PTPRN2: variants seen among roughly 807,000 people sequenced by gnomAD.
The protein encoded by PTPRN2 is protein tyrosine phosphatase receptor type N2.
Under a neutral mutation model 118.8 loss-of-function variants are expected in PTPRN2, and 74 were observed. The observed-to-expected ratio is 0.62, with a 90% CI of 0.52 to 0.76. The LOEUF (loss-of-function observed/expected upper bound fraction) is 0.76. Among genes scored for constraint, PTPRN2 ranks in the 30% least tolerant of loss-of-function variants. PTPRN2 has a pLI of 0.00. For missense variants in PTPRN2, 1,481 were observed against 1,394.4 expected, an observed-to-expected ratio of 1.06 and a Z score of -0.99; for synonymous variants, 641 against 608.0, an observed-to-expected ratio of 1.05 and a Z score of -0.80.
chr7:157,846,016 A>G (rs1808778694), intron 12 of PTPRN2, among the ~76,000 whole-genome samples: 1 of 152,122 alleles, frequency 6.6e-6, no homozygotes, highest in South Asian at 2.1e-4. Flanking sequence ...AGGGAGTGGT[A>G]AAATTTGATC....
In PTPRN2 at chr7:157,682,706, T is replaced by C; in HGVS notation, c.2001+19A>G. ...ACAGATAAATCCGATATACCACTTTTTAAAAAGTCTCCTCTTACCTGGTAG... is the reference window on the plus strand; with the variant it reads ...ACAGATAAATCCGATATACCACTTTCTAAAAAGTCTCCTCTTACCTGGTAG... On this transcript the variant is annotated intron_variant, in intron 13 of 22. Transcript: ENST00000389418. 6.2e-7 allele frequency: 1 copy of C among 1,602,456 alleles called. No individual in the cohort carries two copies. The highest frequency in any genetic ancestry group is 8.5e-7 in the Non-Finnish European group (1 of 1,170,958).
chr7:158,294,323 T>C (rs541946317), intron 3 of PTPRN2, among the ~76,000 whole-genome samples: 11 of 152,340 alleles, frequency 7.2e-5, no homozygotes, highest in African/African-American at 2.6e-4. Flanking sequence ...AAAGCTTGAT[T>C]CTCAAATACA....
chr7:158,313,124 GTC>G lies in PTPRN2; in HGVS notation c.277+3693_277+3694del, dbSNP rs548231019. Among the ~76,000 whole-genome samples the G allele has an allele frequency of 2.3e-3, 345 of 152,230 alleles. 9 individuals carry two copies. Among genetic ancestry groups the G allele is most frequent in the East Asian group, 5.6e-3 (29 of 5,144 alleles). ...AGTGTGCAAGTGTGTGTGCAAATGT[GTC>G]TGTGTCTACACGTGAGCATGTGAAT... On this transcript the variant is annotated intron_variant, in intron 3 of 22. Transcript: ENST00000389418.
chr7:158,243,316 C>T (rs1056076931), intron 3 of PTPRN2, among the ~76,000 whole-genome samples: 1 of 152,332 alleles, frequency 6.6e-6, no homozygotes, highest in African/African-American at 2.4e-5. Flanking sequence ...GCAAGAGGAG[C>T]AGACCATTTC....
chr7:158,341,453 C>T (rs1343457657), intron 2 of PTPRN2, among the ~76,000 whole-genome samples: 2 of 149,316 alleles, frequency 1.3e-5, no homozygotes, highest in African/African-American at 5.0e-5. Flanking sequence ...AGAGGTAACA[C>T]CTTCAGACGT....
At chr7:158,163,590 T>C (rs1822575489) in intron 6 of PTPRN2, among the ~76,000 whole-genome samples, 1 of 151,480 alleles carries the variant, frequency 6.6e-6, no homozygotes, top group Non-Finnish European at 1.5e-5. Context: ...ATTCTCTGTA[T>C]ATTTCATAGG....
intron 6 of PTPRN2, among the ~76,000 whole-genome samples, chr7:158,150,474 C>G (rs1217385986): frequency 6.6e-6 from 1 of 152,194 alleles, no homozygotes; most frequent in Non-Finnish European, 1.5e-5. Context: ...GGCGGATGTT[C>G]CTGTGTCCCC....
chr7:158,464,684 T>G (rs1819263618), intron 2 of PTPRN2, among the ~76,000 whole-genome samples: 2 of 150,276 alleles, frequency 1.3e-5, no homozygotes, highest in African/African-American at 4.9e-5. Context: ...GCCATGCCAT[T>G]TAGTAAATAA....
intron 11 of PTPRN2, among the ~76,000 whole-genome samples, chr7:158,033,595 G>C (rs903476444): frequency 5.3e-5 from 8 of 152,212 alleles, no homozygotes; most frequent in Admixed American, 2.0e-4. Context: ...GAGGGCTGGT[G>C]GGTGGGTTAA....
At chr7:157,876,758 G>A (rs1349540292) in intron 12 of PTPRN2, among the ~76,000 whole-genome samples, 13 of 152,188 alleles carry the variant, frequency 8.5e-5, no homozygotes, top group South Asian at 2.1e-4. Flanking sequence ...GCACCCCAGG[G>A]CGGAGAACTT....
chr7:158,432,602 A>C (rs1360436909), intron 2 of PTPRN2, among the ~76,000 whole-genome samples: 1 of 152,246 alleles, frequency 6.6e-6, no homozygotes, highest in African/African-American at 2.4e-5. Flanking sequence ...TTAAAGTATT[A>C]TGCAAACAAA....
rs78153142 is a variant in PTPRN2, at chr7:157,799,381, C to T, written c.1788+99292G>A. Among the ~76,000 whole-genome samples, 387 of 152,272 alleles carry T rather than the reference C, an allele frequency of 2.5e-3. 6 individuals carry two copies. In the East Asian group the frequency reaches 0.051, roughly 20 times the overall value. ...CATCTCTTGCCGTGAGACCTCCCCA[C>T]GCTGAACGTGTGTTCCTCTAGCCAC... On this transcript the variant is annotated intron_variant, in intron 12 of 22. Coordinates refer to ENST00000389418, the MANE Select transcript of PTPRN2 (RefSeq NM_002847.5).
rs963726775 is a variant in PTPRN2 at position 157,851,518 on chromosome 7, G to A, written c.1788+47155C>T. Among the ~76,000 whole-genome samples the A allele has an allele frequency of 4.7e-5, 7 of 149,568 alleles. No homozygotes were observed. The South Asian group carries it at 8.3e-4, about 18-fold the overall frequency. ...GGCACAGAACCTGCCTCAGTCCAGC[G>A]TCCCTATCCGCTGTAAGAAAGGGTG... is the stretch of plus-strand genomic sequence containing the variant. On this transcript the variant is annotated intron_variant, in intron 12 of 22. Coordinates refer to ENST00000389418, the MANE Select transcript of PTPRN2 (RefSeq NM_002847.5).
chr7:157,752,488 G>A (rs1015927138), intron 12 of PTPRN2, among the ~76,000 whole-genome samples: 2 of 152,200 alleles, frequency 1.3e-5, no homozygotes, highest in South Asian at 2.1e-4. Context: ...ACTGGTGCGC[G>A]GTGTGGCTGT....
At chr7:158,014,317 T>TC (rs1317202022) in intron 11 of PTPRN2, among the ~76,000 whole-genome samples, 1 of 148,856 alleles carries the variant, frequency 6.7e-6, no homozygotes, top group Non-Finnish European at 1.5e-5. Context: ...CATCCACCCA[T>TC]CCATCCCTCA....
At chr7:158,280,675 T>G (rs1197199829) in intron 3 of PTPRN2, among the ~76,000 whole-genome samples, 1 of 152,046 alleles carries the variant, frequency 6.6e-6, no homozygotes, top group Admixed American at 6.5e-5. Flanking sequence ...GACGCGGCCG[T>G]GGAGTTTCTC....
chr7:158,149,077 C>CAT (rs1820581851), intron 6 of PTPRN2, among the ~76,000 whole-genome samples: 1 of 142,952 alleles, frequency 7.0e-6, no homozygotes, highest in Non-Finnish European at 1.5e-5. Flanking sequence ...TGTCATTCCC[C>CAT]CTCACTGACA....
At chr7:158,107,263 C>T (rs963071188) in intron 10 of PTPRN2, among the ~76,000 whole-genome samples, 1 of 152,054 alleles carries the variant, frequency 6.6e-6, no homozygotes, top group Non-Finnish European at 1.5e-5. Context: ...TGGACAGCAC[C>T]CCTTAGAAGT....
intron 6 of PTPRN2, among the ~76,000 whole-genome samples, chr7:158,149,936 A>G (rs1820784615): frequency 6.6e-6 from 1 of 152,218 alleles, no homozygotes; most frequent in Non-Finnish European, 1.5e-5. Flanking sequence ...TAAAATAAAT[A>G]AAACATATGA....
Sources: allele counts gnomAD v4.1 joint callset (sites outside exome capture counted in the v4.1 genomes callset), GRCh38; gene constraint gnomAD v4.1.1; transcripts MANE v1.5; gene names NCBI Gene and HGNC (gene_info 2026-07-23, HGNC 2026-07-21).